RBFOX1: variants seen among roughly 807,000 people sequenced by gnomAD.
RBFOX1 encodes RNA binding fox-1 homolog 1.
In RBFOX1, 8 loss-of-function variants were observed where a neutral mutation model predicts 57.7. The ratio of observed to expected loss-of-function variants is 0.14; its 90% CI spans 0.08 to 0.25. The LOEUF is 0.25. Among genes scored for constraint, RBFOX1 ranks in the 10% least tolerant of loss-of-function variants. The probability of loss-of-function intolerance (pLI) is 1.00; values close to 1 mark genes in which losing one functional copy is unlikely to be tolerated. For synonymous variants in RBFOX1, 326 were observed against 222.4 expected, an observed-to-expected ratio of 1.47 and a Z score of -4.15; for missense variants, 611 against 548.5, an observed-to-expected ratio of 1.11 and a Z score of -1.14.
chr16:5,501,735 A>G (rs964312439), intron 2 of RBFOX1, among the ~76,000 whole-genome samples: 1 of 152,036 alleles, frequency 6.6e-6, no homozygotes, highest in African/African-American at 2.4e-5. Context: ...TATTTTAGAG[A>G]CAAGATCTTG....
intron 13 of RBFOX1, 41 bp downstream of exon 13, chr16:7,665,009 T>C (rs1189283683): frequency 1.2e-6 from 2 of 1,613,896 alleles, no homozygotes; most frequent in Non-Finnish European, 1.7e-6. Flanking sequence ...CGTTTCCTCC[T>C]GGAGTCATTC....
chr16:5,746,527 G>C (rs1467722249), intron 3 of RBFOX1, among the ~76,000 whole-genome samples: 1 of 152,190 alleles, frequency 6.6e-6, no homozygotes, highest in Non-Finnish European at 1.5e-5. Context: ...AATTACCTTG[G>C]GCAGTATGGC....
Position 7,241,870 on chromosome 16 carries a change from A to G in RBFOX1, c.27+189772A>G, listed in dbSNP as rs555181611. On this transcript the variant is annotated intron_variant, in intron 4 of 15. Coordinates refer to ENST00000550418, the MANE Select transcript of RBFOX1 (RefSeq NM_018723.4). ...TAAATATGTATATAAGTATATATGC[A>G]TATAAATATACTTATATGTGATTTG... Among the ~76,000 whole-genome samples the G allele has an allele frequency of 7.2e-5, 11 of 152,182 alleles. No individual in the cohort carries two copies. The East Asian group carries it at 1.9e-3, about 27-fold the overall frequency.
chr16:6,573,448 C>T (rs1274130492), intron 2 of RBFOX1, among the ~76,000 whole-genome samples: 3 of 152,198 alleles, frequency 2.0e-5, no homozygotes, highest in African/African-American at 7.2e-5. Context: ...GTCTGCCATT[C>T]ACTCAGATCA....
intron 5 of RBFOX1, among the ~76,000 whole-genome samples, chr16:7,557,151 G>T (rs1419856611): frequency 6.6e-6 from 1 of 152,140 alleles, no homozygotes; most frequent in African/African-American, 2.4e-5. Context: ...TACCATGGAG[G>T]TGAAGTAATT....
At chr16:5,432,150 A>G (rs2151514870) in intron 1 of RBFOX1, among the ~76,000 whole-genome samples, 1 of 152,120 alleles carries the variant, frequency 6.6e-6, no homozygotes, top group East Asian at 1.9e-4. Context: ...TGGAGGGAAA[A>G]TCCACCAGGA....
intron 3 of RBFOX1, among the ~76,000 whole-genome samples, chr16:5,812,652 G>T (rs1255528800): frequency 6.6e-6 from 1 of 151,754 alleles, no homozygotes; most frequent in Non-Finnish European, 1.5e-5. Flanking sequence ...GGTAGACCCG[G>T]GCTCTCCCTC....
intron 2 of RBFOX1, among the ~76,000 whole-genome samples, chr16:6,415,674 C>A (rs1322247691): frequency 6.6e-6 from 1 of 152,132 alleles, no homozygotes; most frequent in East Asian, 1.9e-4. Context: ...GCACTCTAGC[C>A]TGGGCAACAA....
At chr16:7,238,716 G>T (rs1277015760) in intron 4 of RBFOX1, among the ~76,000 whole-genome samples, 1 of 152,152 alleles carries the variant, frequency 6.6e-6, no homozygotes, top group Non-Finnish European at 1.5e-5. Context: ...ATGGGGGTTT[G>T]TTGTGCAGAT....
intron 4 of RBFOX1, among the ~76,000 whole-genome samples, chr16:7,308,035 C>T (rs1364477790): frequency 4.6e-5 from 7 of 152,158 alleles, no homozygotes; most frequent in Admixed American, 4.6e-4. Flanking sequence ...GAATACAATT[C>T]CACATTAGGG....
chr16:6,689,704 A>G (rs1331830157), intron 3 of RBFOX1, among the ~76,000 whole-genome samples: 1 of 152,178 alleles, frequency 6.6e-6, no homozygotes, highest in Non-Finnish European at 1.5e-5. Context: ...CATGTCCGTC[A>G]TTCATGTTCT....
intron 3 of RBFOX1, among the ~76,000 whole-genome samples, chr16:6,904,129 G>A (rs999463883): frequency 1.3e-5 from 2 of 152,146 alleles, no homozygotes; most frequent in Admixed American, 6.5e-5. Flanking sequence ...AGTGCAGTTC[G>A]TTCTCAGATC....
intron 3 of RBFOX1, among the ~76,000 whole-genome samples, chr16:6,681,272 C>G (rs556509128): frequency 2.0e-5 from 3 of 152,106 alleles, no homozygotes; most frequent in Non-Finnish European, 4.4e-5. Flanking sequence ...GAGCCAGGAT[C>G]ACACCACTGC....
intron 3 of RBFOX1, among the ~76,000 whole-genome samples, chr16:6,999,985 T>C (rs1291073144): frequency 6.6e-6 from 1 of 151,550 alleles, no homozygotes; most frequent in Admixed American, 6.6e-5. Flanking sequence ...GGCAGGAGAA[T>C]TGCTTGGACC....
chr16:6,659,479 G>T (rs2098687637), intron 3 of RBFOX1, among the ~76,000 whole-genome samples: 1 of 152,084 alleles, frequency 6.6e-6, no homozygotes, highest in Non-Finnish European at 1.5e-5. Context: ...GGTATCTTAA[G>T]TACCGCCGAA....
At chr16:6,753,244 A>G (rs995252123) in intron 3 of RBFOX1, among the ~76,000 whole-genome samples, 2 of 152,224 alleles carry the variant, frequency 1.3e-5, no homozygotes, top group East Asian at 1.9e-4. Flanking sequence ...AAGCAAGTAT[A>G]GTAAAATGCC....
rs111835652 is a variant in RBFOX1 at position 7,648,718 on chromosome 16, C to T, written c.758-5097C>T. ...GGAAGGGTGAGATGTGATGAAGACC[C>T]TTTAATAGGTGTTACCTGTCTGGGG... On this transcript the variant is annotated intron_variant, in intron 11 of 15. Coordinates refer to ENST00000550418, the MANE Select transcript of RBFOX1 (RefSeq NM_018723.4). 6.0e-3 allele frequency among the ~76,000 whole-genome samples: 918 copies of T among 152,196 alleles called. 9 individuals carry two copies. Among genetic ancestry groups the T allele is most frequent in the African/African-American group, 0.021 (861 of 41,508 alleles).
rs2053323974 is a variant in RBFOX1, at chr16:5,754,368, G to C, written c.319-112935G>C. Among the ~76,000 whole-genome samples, 2 of 152,200 alleles carry C rather than the reference G, an allele frequency of 1.3e-5. 1 individual carries two copies. The highest frequency in any genetic ancestry group is 4.1e-4 in the South Asian group (2 of 4,824). On this transcript the variant is annotated intron_variant, in intron 3 of 19. Transcript: ENST00000641259. ...GCTCCTATTGTTAGGAAGGAAGGGAGTGTTTTAATTGATGATTGATGTGGG... is the reference window on the plus strand; with the variant it reads ...GCTCCTATTGTTAGGAAGGAAGGGACTGTTTTAATTGATGATTGATGTGGG...
chr16:7,505,447 T>C (rs549499362), intron 4 of RBFOX1, among the ~76,000 whole-genome samples: 51 of 152,306 alleles, frequency 3.3e-4, no homozygotes, highest in African/African-American at 1.2e-3. Context: ...ACTTCACTTG[T>C]TCTGGATGTC....
Sources: gnomAD v4.1 joint callset for allele counts (sites outside exome capture counted in the v4.1 genomes callset) on GRCh38, gnomAD v4.1.1 for gene constraint, MANE v1.5 for transcripts, NCBI Gene and HGNC (gene_info 2026-07-23, HGNC 2026-07-21) for gene names.